Variants in CHCHD6 observed in about 807,000 individuals in gnomAD.
The protein encoded by CHCHD6 is coiled-coil-helix-coiled-coil-helix domain containing 6, also known as MICOS complex subunit MIC25.
A neutral mutation model predicts 32.3 loss-of-function variants in CHCHD6; 28 were observed. The ratio of observed to expected loss-of-function variants is 0.87; its 90% CI spans 0.64 to 1.19. The LOEUF (loss-of-function observed/expected upper bound fraction) is 1.19. Among genes scored for constraint, CHCHD6 ranks in the 50% most tolerant of loss-of-function variants. The pLI is 0.00. For missense variants in CHCHD6, 333 were observed against 307.0 expected, an observed-to-expected ratio of 1.08 and a Z score of -0.63; for synonymous variants, 122 against 117.5, an observed-to-expected ratio of 1.04 and a Z score of -0.25.
At chr3:126,809,395 C>A (rs1222893540) in intron 4 of CHCHD6, among the ~76,000 whole-genome samples, 2 of 152,204 alleles carry the variant, frequency 1.3e-5, no homozygotes, top group African/African-American at 2.4e-5. Flanking sequence ...TCTTCAAAGA[C>A]ATGCTCAGGA....
At chr3:126,941,062 A>T (rs1018675550) in intron 6 of CHCHD6, among the ~76,000 whole-genome samples, 1 of 152,130 alleles carries the variant, frequency 6.6e-6, no homozygotes, top group African/African-American at 2.4e-5. Flanking sequence ...TCTATTTGTA[A>T]CTTACATTAT....
At chr3:126,810,142 A>T (rs1164212967) in intron 4 of CHCHD6, among the ~76,000 whole-genome samples, 2 of 152,220 alleles carry the variant, frequency 1.3e-5, no homozygotes, top group Non-Finnish European at 2.9e-5. Flanking sequence ...AAAAGAACAA[A>T]ATTTAATTTC....
At chr3:126,933,910 C>T (rs2078440392) in intron 6 of CHCHD6, among the ~76,000 whole-genome samples, 1 of 152,186 alleles carries the variant, frequency 6.6e-6, no homozygotes, top group African/African-American at 2.4e-5. Context: ...CCCCCTTCTC[C>T]ACACATACTG....
chr3:126,815,334 A>G (rs1348710244), intron 4 of CHCHD6, among the ~76,000 whole-genome samples: 1 of 152,140 alleles, frequency 6.6e-6, no homozygotes, highest in Non-Finnish European at 1.5e-5. Context: ...GGTTCCAGCC[A>G]TCCTCTGTAT....
intron 5 of CHCHD6, among the ~76,000 whole-genome samples, chr3:126,878,121 T>C (rs2077563809): frequency 6.6e-6 from 1 of 152,166 alleles, no homozygotes; most frequent in African/African-American, 2.4e-5. Flanking sequence ...AAAAATGGAA[T>C]GGAGGAAGAA....
intron 6 of CHCHD6, among the ~76,000 whole-genome samples, chr3:126,927,923 T>C (rs1455736226): frequency 1.3e-5 from 2 of 152,344 alleles, no homozygotes; most frequent in East Asian, 1.9e-4. Context: ...GGAGCAGCCC[T>C]CATCACAGAC....
At chr3:126,794,571 T>C (rs2107687641) in intron 4 of CHCHD6, among the ~76,000 whole-genome samples, 1 of 152,210 alleles carries the variant, frequency 6.6e-6, no homozygotes, top group South Asian at 2.1e-4. Flanking sequence ...AGTAATCCTT[T>C]CAGAAAAAGT....
Position 126,704,244 on chromosome 3 carries a change from C to A in CHCHD6, c.-69C>A. The A allele has an allele frequency of 7.7e-7, 1 of 1,300,166 alleles. No individual in the cohort carries two copies. The highest frequency in any genetic ancestry group is 1.1e-6 in the Non-Finnish European group (1 of 912,708). The allele number at this position is 1,300,166 out of a possible 1,614,324, so 80.5% of individuals were successfully genotyped here. On this transcript the variant is annotated 5_prime_UTR_variant, in exon 1 of 8. Transcript: ENST00000290913. ...CCGCGGCCGCGCGAGTCCTGGAAAG[C>A]GTTGTTGGCCCGGTTGCTCTGGAGC...
chr3:126,920,852 A>T (rs1252024667), intron 6 of CHCHD6, among the ~76,000 whole-genome samples: 1 of 152,220 alleles, frequency 6.6e-6, no homozygotes, highest in Non-Finnish European at 1.5e-5. Flanking sequence ...AAGTGGGTCT[A>T]ATAACAAATA....
At chr3:126,813,420 T>C (rs1165896265) in intron 4 of CHCHD6, among the ~76,000 whole-genome samples, 1 of 152,254 alleles carries the variant, frequency 6.6e-6, no homozygotes, top group Non-Finnish European at 1.5e-5. Flanking sequence ...ATGGTCACCT[T>C]ACTTCAGTGA....
At chr3:126,912,766 C>T (rs56232525) in intron 5 of CHCHD6, among the ~76,000 whole-genome samples, 1 of 152,228 alleles carries the variant, frequency 6.6e-6, no homozygotes, top group Non-Finnish European at 1.5e-5. Context: ...ACATTTACCT[C>T]CCAGTCAGCA....
At chr3:126,864,151 A>G (rs1371201924) in intron 5 of CHCHD6, among the ~76,000 whole-genome samples, 2 of 108,832 alleles carry the variant, frequency 1.8e-5, no homozygotes. Flanking sequence ...CACCATTACC[A>G]TCACCTTCTC....
At chr3:126,791,577 G>T (rs959484706) in intron 4 of CHCHD6, among the ~76,000 whole-genome samples, 1 of 152,252 alleles carries the variant, frequency 6.6e-6, no homozygotes, top group African/African-American at 2.4e-5. Flanking sequence ...TCAAACTGCT[G>T]TGCTAACAAT....
intron 4 of CHCHD6, among the ~76,000 whole-genome samples, chr3:126,765,959 G>T (rs370184565): frequency 6.6e-6 from 1 of 152,224 alleles, no homozygotes; most frequent in South Asian, 2.1e-4. Flanking sequence ...GCATGTGAGC[G>T]TGGTTTTGGA....
chr3:126,807,111 A>G (rs1939427879), intron 4 of CHCHD6, among the ~76,000 whole-genome samples: 1 of 150,728 alleles, frequency 6.6e-6, no homozygotes, highest in Non-Finnish European at 1.5e-5. Context: ...TGAGGAGTTA[A>G]TGGGTGCAGC....
chr3:126,717,557 C>T (rs936587691), intron 1 of CHCHD6, among the ~76,000 whole-genome samples: 1 of 152,062 alleles, frequency 6.6e-6, no homozygotes, highest in African/African-American at 2.4e-5. Flanking sequence ...TCCCTTGGGC[C>T]CAGGAGTTTG....
intron 4 of CHCHD6, among the ~76,000 whole-genome samples, chr3:126,814,745 C>A (rs546212987): frequency 6.6e-6 from 1 of 152,104 alleles, no homozygotes; most frequent in African/African-American, 2.4e-5. Context: ...GTAAGTGTTT[C>A]CCTGAGTTCT....
chr3:126,812,955 T>C (rs922991659), intron 4 of CHCHD6, among the ~76,000 whole-genome samples: 2 of 152,162 alleles, frequency 1.3e-5, no homozygotes, highest in Admixed American at 1.3e-4. Flanking sequence ...TGATTATGTG[T>C]ATATAATTCT....
At chr3:126,912,802 G>T (rs1010771117) in intron 5 of CHCHD6, among the ~76,000 whole-genome samples, 1 of 152,222 alleles carries the variant, frequency 6.6e-6, no homozygotes, top group East Asian at 1.9e-4. Flanking sequence ...GATGCAGCAG[G>T]GGAGTCCTTG....
Sources: allele counts gnomAD v4.1 joint callset (sites outside exome capture counted in the v4.1 genomes callset), GRCh38; gene constraint gnomAD v4.1.1; transcripts MANE v1.5; gene names NCBI Gene and HGNC (gene_info 2026-07-23, HGNC 2026-07-21).